OTC: variants seen among roughly 807,000 people sequenced by gnomAD.
The protein encoded by OTC is ornithine transcarbamylase.
Under a neutral mutation model 30.3 loss-of-function variants are expected in OTC, and 3 were observed. The observed-to-expected ratio is 0.10, with a 90% CI of 0.05 to 0.26. The LOEUF (loss-of-function observed/expected upper bound fraction) is 0.26, where lower values mean the gene tolerates loss of function less well. Among genes scored for constraint, OTC ranks in the 10% least tolerant of loss-of-function variants. The pLI is 1.00. For missense variants in OTC, 194 were observed against 260.3 expected (o/e 0.75, Z 1.75); for synonymous variants, 111 against 99.7 (o/e 1.11, Z -0.67).
At chrX:38,401,544 G>T (rs2147341600) in intron 5 of OTC, 116 bp downstream of exon 5, 1 of 600,498 alleles carries the variant, frequency 1.7e-6, no homozygotes. Context: ...ATACCAGCTT[G>T]ACAAAGAATT....
intron 4 of OTC, among the ~76,000 whole-genome samples, chrX:38,390,818 GT>G (rs1235128916): frequency 8.9e-6 from 1 of 111,941 alleles, no homozygotes; most frequent in Non-Finnish European, 1.9e-5. Flanking sequence ...CACACTACTT[GT>G]TTTTTATTTT....
At chrX:38,359,144 T>C (rs1008087092) in intron 1 of OTC, among the ~76,000 whole-genome samples, 7 of 111,940 alleles carry the variant, frequency 6.3e-5, no homozygotes, top group African/African-American at 2.3e-4. Flanking sequence ...TGAGCAAACA[T>C]TGGCCCTATA....
At chrX:38,337,117 C>T in the OTC span, among the ~76,000 whole-genome samples, 3 of 111,243 alleles carry the variant, frequency 2.7e-5, no homozygotes, top group African/African-American at 9.8e-5. Flanking sequence ...AATGCTGGGC[C>T]GTCAAAAAAA....
the OTC span, among the ~76,000 whole-genome samples, chrX:38,329,333 A>T: frequency 9.0e-6 from 1 of 111,501 alleles, no homozygotes; most frequent in African/African-American, 3.3e-5. Flanking sequence ...TGAGCAGGTA[A>T]TTGGTGAGCA....
At chrX:38,345,793 G>T in the OTC span, among the ~76,000 whole-genome samples, 1 of 110,670 alleles carries the variant, frequency 9.0e-6, no homozygotes, top group African/African-American at 3.3e-5. Flanking sequence ...TTCCCACCTT[G>T]GCCTCCCAAA....
chrX:38,361,178 G>A (rs1450106592), intron 1 of OTC, among the ~76,000 whole-genome samples: 1 of 111,597 alleles, frequency 9.0e-6, no homozygotes, highest in East Asian at 2.8e-4. Flanking sequence ...GGTGGCAGAC[G>A]CTTGTAATCC....
chrX:38,396,355 T>C (rs1222888550), intron 4 of OTC, among the ~76,000 whole-genome samples: 2 of 112,139 alleles, frequency 1.8e-5, no homozygotes, highest in African/African-American at 6.5e-5. Context: ...TTTAATAATA[T>C]ATTAACCTGG....
intron 4 of OTC, among the ~76,000 whole-genome samples, chrX:38,393,692 GT>G (rs1350184386): frequency 8.9e-6 from 1 of 112,301 alleles, no homozygotes; most frequent in Non-Finnish European, 1.9e-5. Flanking sequence ...TTATCACATA[GT>G]TTTTGTTTTT....
Position 38,405,401 on chromosome X carries a change from C to T in OTC, c.663+1661C>T, listed in dbSNP as rs1282145937. Among the ~76,000 whole-genome samples the T allele has an allele frequency of 2.7e-5, 3 of 111,466 alleles. No individual in the cohort carries two copies. In the East Asian group the frequency reaches 8.4e-4, roughly 31 times the overall value. ...TCTCAGGGAGGATCCTTTTTTGCCT[C>T]TTCCTGCTTCTGGTAGCCCCAGGCA... is the stretch of plus-strand genomic sequence containing the variant. On this transcript the variant is annotated intron_variant, in intron 6 of 9. Transcript: ENST00000039007.
At chrX:38,416,251 A>G (rs1294903067) in intron 9 of OTC, among the ~76,000 whole-genome samples, 1 of 111,555 alleles carries the variant, frequency 9.0e-6, no homozygotes, top group Non-Finnish European at 1.9e-5. Context: ...CCTCCATGCT[A>G]AGAGATTTCC....
intron 1 of OTC, among the ~76,000 whole-genome samples, chrX:38,355,048 G>A (rs2068233601): frequency 9.0e-6 from 1 of 111,680 alleles, no homozygotes; most frequent in East Asian, 2.8e-4. Context: ...TACCACGTGA[G>A]TTTACTACTC....
At chrX:38,413,330 C>T (rs1246976109) in intron 9 of OTC, among the ~76,000 whole-genome samples, 2 of 112,190 alleles carry the variant, frequency 1.8e-5, no homozygotes, top group East Asian at 2.8e-4. Flanking sequence ...TCATTATCAT[C>T]ATCTTCACTA....
intron 9 of OTC, among the ~76,000 whole-genome samples, chrX:38,418,108 T>C (rs187961601): frequency 1.7e-3 from 193 of 111,615 alleles, no homozygotes; most frequent in African/African-American, 6.2e-3. Flanking sequence ...CCACCAACAA[T>C]GCACAGGAGA....
the OTC span, among the ~76,000 whole-genome samples, chrX:38,342,303 A>G: frequency 9.0e-6 from 1 of 110,817 alleles, no homozygotes; most frequent in Non-Finnish European, 1.9e-5. Flanking sequence ...GTGAGCCACC[A>G]TGCCCAGCCT....
intron 9 of OTC, among the ~76,000 whole-genome samples, chrX:38,417,519 A>G (rs1239433916): frequency 9.0e-6 from 1 of 111,656 alleles, no homozygotes; most frequent in Non-Finnish European, 1.9e-5. Context: ...CCACTCAGGA[A>G]ACTTCCTACA....
At chrX:38,349,864 G>A (rs2068205998), upstream of OTC, among the ~76,000 whole-genome samples, 1 of 111,827 alleles carries the variant, frequency 8.9e-6, no homozygotes, top group African/African-American at 3.3e-5. Context: ...TTTTCATAGC[G>A]TGCTTGGTGG....
At chrX:38,340,452 T>G in the OTC span, among the ~76,000 whole-genome samples, 102 of 82,562 alleles carry the variant, frequency 1.2e-3, no homozygotes, top group Non-Finnish European at 1.9e-3. Context: ...CCCTTCATTG[T>G]TTTTTTGTTT....
chrX:38,402,103 G>A (rs1462998487), intron 5 of OTC, among the ~76,000 whole-genome samples: 1 of 111,939 alleles, frequency 8.9e-6, no homozygotes, highest in Non-Finnish European at 1.9e-5. Context: ...AAACTGGATA[G>A]GCCCATCTTC....
chrX:38,367,379 A>G lies in OTC; in HGVS notation c.166A>G (p.Met56Val). ...CTTTACCGGAGAAGAAATTAAATAT[A>G]TGCTATGGCTATCAGCAGATCTGAA... ...KNFTGEEIKYMLWLSADLKFR... is the reference protein window; with the variant it reads ...KNFTGEEIKYVLWLSADLKFR... The change falls in exon 2 of 10, where the codon ATG becomes GTG. Residue 56 changes from methionine to valine, a missense_variant. Transcript: ENST00000039007. The G allele has an allele frequency of 3.3e-6, 4 of 1,200,773 alleles. No homozygotes were observed. Among genetic ancestry groups the G allele is most frequent in the Non-Finnish European group, 3.4e-6 (3 of 885,555 alleles).
Sources: allele counts gnomAD v4.1 joint callset (sites outside exome capture counted in the v4.1 genomes callset), GRCh38; gene constraint gnomAD v4.1.1; transcripts MANE v1.5; gene names NCBI Gene and HGNC (gene_info 2026-07-23, HGNC 2026-07-21).